SORCS3: variants seen among roughly 807,000 people sequenced by gnomAD.
SORCS3 encodes sortilin related VPS10 domain containing receptor 3.
SORCS3 carries 57 observed loss-of-function variants against 146.3 expected under a neutral mutation model. That is an observed-to-expected ratio of 0.39 (90% CI 0.31 to 0.49). The LOEUF (loss-of-function observed/expected upper bound fraction) is 0.49. Ranked by LOEUF, SORCS3 falls within the 20% of genes least tolerant of loss-of-function variation. The pLI, the probability that SORCS3 is intolerant of heterozygous loss-of-function variation, is 0.92. For synonymous variants in SORCS3, 653 were observed against 618.5 expected (o/e 1.06, Z -0.83); for missense variants, 1,341 against 1,575.5 (o/e 0.85, Z 2.52).
chr10:104,701,055 A>G (rs2016274138), intron 1 of SORCS3, among the ~76,000 whole-genome samples: 1 of 152,170 alleles, frequency 6.6e-6, no homozygotes, highest in South Asian at 2.1e-4. Context: ...TCCATCTTGC[A>G]TTTGCTGTAC....
chr10:105,113,441 C>T (rs1188538809), intron 7 of SORCS3, among the ~76,000 whole-genome samples: 11 of 152,142 alleles, frequency 7.2e-5, no homozygotes, highest in Non-Finnish European at 1.5e-5. Context: ...TTAAATTAAA[C>T]CTCTTCCCAT....
intron 1 of SORCS3, among the ~76,000 whole-genome samples, chr10:104,682,218 T>A (rs2133266095): frequency 1.3e-5 from 2 of 152,354 alleles, no homozygotes; most frequent in South Asian, 4.1e-4. Context: ...GTTTGTTTAC[T>A]TGGAAAAAAT....
chr10:104,764,306 G>A lies in SORCS3; in HGVS notation c.628-78486G>A, dbSNP rs143442306. Among the ~76,000 whole-genome samples the A allele has an allele frequency of 5.3e-5, 8 of 152,194 alleles. No homozygotes were observed. The East Asian group carries it at 1.4e-3, about 26-fold the overall frequency. ...GTTGAACTGTAGATTCTGATGAAGC[G>A]GTCTGAGGTGGGGCTTCAGATTATG... On this transcript the variant is annotated intron_variant, in intron 1 of 26. Coordinates refer to ENST00000369701, the MANE Select transcript of SORCS3 (RefSeq NM_014978.3).
intron 19 of SORCS3, among the ~76,000 whole-genome samples, chr10:105,218,884 A>G (rs896823578): frequency 6.6e-6 from 1 of 152,064 alleles, no homozygotes; most frequent in Non-Finnish European, 1.5e-5. Context: ...GCGTTTTGGC[A>G]CAAGCCTGTA....
intron 2 of SORCS3, among the ~76,000 whole-genome samples, chr10:104,903,632 A>G (rs1394486475): frequency 6.6e-6 from 1 of 152,226 alleles, no homozygotes; most frequent in African/African-American, 2.4e-5. Context: ...ATAGAGCAGC[A>G]GTTCTCAAAG....
At chr10:105,152,595 CAACA>C (rs1324743426) in intron 9 of SORCS3, among the ~76,000 whole-genome samples, 3 of 152,142 alleles carry the variant, frequency 2.0e-5, no homozygotes, top group Non-Finnish European at 4.4e-5. Flanking sequence ...AAGTTATTCT[CAACA>C]AACTTAAAAG....
At position 105,003,540 on chromosome 10, in the gene SORCS3, G is replaced by A. The variant is rs557094977; in HGVS notation, c.954+26047G>A. 9.9e-5 allele frequency among the ~76,000 whole-genome samples: 15 copies of A among 152,150 alleles called. No individual in the cohort carries two copies. In the South Asian group the frequency reaches 2.5e-3, roughly 25 times the overall value. On this transcript the variant is annotated intron_variant, in intron 4 of 26. Coordinates refer to ENST00000369701, the MANE Select transcript of SORCS3 (RefSeq NM_014978.3). The stretch of plus-strand genomic sequence containing the variant: ...GAGCCTAATTTGTGTTGTGCAATTC[G>A]AAGTTATGTATAAATATTAGCTTAT...
chr10:105,012,619 T>A (rs2055142009), intron 4 of SORCS3, among the ~76,000 whole-genome samples: 1 of 152,178 alleles, frequency 6.6e-6, no homozygotes, highest in Admixed American at 6.5e-5. Flanking sequence ...TTAAACATTT[T>A]AATGCCAGGA....
intron 3 of SORCS3, among the ~76,000 whole-genome samples, chr10:104,941,860 G>A (rs1312932980): frequency 6.6e-6 from 1 of 152,076 alleles, no homozygotes; most frequent in Non-Finnish European, 1.5e-5. Context: ...AAGAGTCCAG[G>A]CCTTGGAAAC....
intron 2 of SORCS3, among the ~76,000 whole-genome samples, chr10:104,857,148 A>G (rs943491558): frequency 6.7e-6 from 1 of 150,246 alleles, no homozygotes; most frequent in African/African-American, 2.5e-5. Flanking sequence ...GGAGGAGAGA[A>G]TGTTCAGGGA....
intron 4 of SORCS3, among the ~76,000 whole-genome samples, chr10:105,031,479 A>G (rs1220193148): frequency 2.0e-5 from 3 of 152,172 alleles, no homozygotes. Flanking sequence ...ATATATCTAA[A>G]GGAACCTAAG....
At chr10:104,696,075 T>C (rs1355399153) in intron 1 of SORCS3, among the ~76,000 whole-genome samples, 1 of 19,326 alleles carries the variant, frequency 5.2e-5, no homozygotes, top group Non-Finnish European at 1.5e-4. Flanking sequence ...ATATAATATA[T>C]ATCATATACA....
intron 1 of SORCS3, among the ~76,000 whole-genome samples, chr10:104,842,036 C>T (rs1186758384): frequency 2.0e-5 from 3 of 152,152 alleles, no homozygotes; most frequent in African/African-American, 4.8e-5. Context: ...CTAGAGAAAG[C>T]GCATGGGAAC....
chr10:105,077,873 C>A (rs1411046883), intron 5 of SORCS3, among the ~76,000 whole-genome samples: 1 of 152,084 alleles, frequency 6.6e-6, no homozygotes, highest in Non-Finnish European at 1.5e-5. Flanking sequence ...AGTGTCTGCA[C>A]CTAAAAATCT....
At chr10:104,914,907 G>A (rs1284958637) in intron 2 of SORCS3, among the ~76,000 whole-genome samples, 1 of 151,974 alleles carries the variant, frequency 6.6e-6, no homozygotes, top group Non-Finnish European at 1.5e-5. Context: ...AGCTTGAGTT[G>A]GAGAAGTTTT....
chr10:104,885,915 T>G (rs551113122), intron 2 of SORCS3, among the ~76,000 whole-genome samples: 105 of 152,334 alleles, frequency 6.9e-4, no homozygotes, highest in African/African-American at 2.4e-3. Context: ...TATAGTTATA[T>G]CTGTTTTCTG....
intron 1 of SORCS3, among the ~76,000 whole-genome samples, chr10:104,741,039 G>A (rs1391342206): frequency 6.6e-6 from 1 of 151,366 alleles, no homozygotes; most frequent in Non-Finnish European, 1.5e-5. Flanking sequence ...ATAGCTCATT[G>A]TAACCTTGAA....
At chr10:105,228,968 T>A (rs2056751468) in intron 20 of SORCS3, among the ~76,000 whole-genome samples, 1 of 152,214 alleles carries the variant, frequency 6.6e-6, no homozygotes, top group Non-Finnish European at 1.5e-5. Flanking sequence ...CTTTTTATCT[T>A]CTGGCATACC....
intron 1 of SORCS3, among the ~76,000 whole-genome samples, chr10:104,786,549 AAAT>A (rs10644058): frequency 1.9e-4 from 26 of 140,526 alleles, no homozygotes; most frequent in East Asian, 2.0e-4. Flanking sequence ...ACTCCATCTA[AAAT>A]AATAATAATA....
Sources: gnomAD v4.1 joint callset for allele counts (sites outside exome capture counted in the v4.1 genomes callset) on GRCh38, gnomAD v4.1.1 for gene constraint, MANE v1.5 for transcripts, NCBI Gene and HGNC (gene_info 2026-07-23, HGNC 2026-07-21) for gene names.